CIMAP1B: variants seen among roughly 807,000 people sequenced by gnomAD.
CIMAP1B encodes the protein orf2 5' to PD-ECGF/TP.
At chr22:50,531,777 G>C in the CIMAP1B span, 2 of 1,359,630 alleles carry the variant, frequency 1.5e-6, no homozygotes, top group Non-Finnish European at 1.9e-6. Context: ...GCGTAGCCTG[G>C]GAGCATCCGA....
At chr22:50,530,721 GT>G in the CIMAP1B span, 2 of 1,612,038 alleles carry the variant, frequency 1.2e-6, no homozygotes, top group Non-Finnish European at 1.7e-6. Context: ...CCTGATCCAC[GT>G]TGTAGGCCGC....
the CIMAP1B span, chr22:50,530,833 T>C: frequency 1.2e-6 from 2 of 1,604,354 alleles, no homozygotes; most frequent in Non-Finnish European, 1.7e-6. Flanking sequence ...CACGACCTGA[T>C]AGGCGCAGGG....
the CIMAP1B span, chr22:50,530,981 A>G: frequency 6.2e-7 from 1 of 1,611,384 alleles, no homozygotes; most frequent in Non-Finnish European, 8.5e-7. Context: ...CTGCGGCCGT[A>G]GATGGAGCAA....
the CIMAP1B span, chr22:50,531,170 G>A: frequency 6.2e-7 from 1 of 1,600,038 alleles, no homozygotes; most frequent in Non-Finnish European, 8.6e-7. Flanking sequence ...ACAGTTCTGG[G>A]ATGGGCCGTT....
chr22:50,531,438 C>T, the CIMAP1B span: 34 of 1,075,980 alleles, frequency 3.2e-5, no homozygotes, highest in Admixed American at 5.8e-5. Flanking sequence ...ATTTGAGATC[C>T]GGATATGGGG....
chr22:50,531,760 A>C, the CIMAP1B span: 2 of 1,372,466 alleles, frequency 1.5e-6, no homozygotes, highest in South Asian at 1.8e-5. Context: ...GCGACGGGTC[A>C]TGCAGGGCGT....
At chr22:50,532,158 G>C in the CIMAP1B span, 1 of 1,307,078 alleles carries the variant, frequency 7.7e-7, no homozygotes, top group Non-Finnish European at 9.8e-7. Context: ...GCAAATTCTT[G>C]GGGAGCGCAC....
the CIMAP1B span, chr22:50,531,772 G>T: frequency 2.2e-6 from 3 of 1,361,250 alleles, no homozygotes; most frequent in South Asian, 1.9e-5. Flanking sequence ...GCAGGGCGTA[G>T]CCTGGGAGCA....
At chr22:50,532,160 G>C in the CIMAP1B span, 4 of 1,305,810 alleles carry the variant, frequency 3.1e-6, no homozygotes, top group Non-Finnish European at 3.9e-6. Flanking sequence ...AAATTCTTGG[G>C]GAGCGCACTT....
At chr22:50,531,925 C>A in the CIMAP1B span, 296 of 1,314,468 alleles carry the variant, frequency 2.3e-4, 3 homozygotes, top group East Asian at 6.8e-3. Context: ...TTCCCTCCCC[C>A]AGGCGCCGTC....
chr22:50,530,572 G>C, the CIMAP1B span: 6 of 1,581,310 alleles, frequency 3.8e-6, no homozygotes, highest in Admixed American at 3.7e-5. Context: ...TGCGGGCCCG[G>C]AGACACCGCT....
At chr22:50,531,244 C>T in the CIMAP1B span, 502 of 1,612,002 alleles carry the variant, frequency 3.1e-4, no homozygotes, top group Middle Eastern at 3.6e-3. Flanking sequence ...AATGGTGTGC[C>T]GAGGCGCACT....
the CIMAP1B span, chr22:50,531,248 G>A: frequency 6.2e-7 from 1 of 1,612,028 alleles, no homozygotes; most frequent in South Asian, 1.1e-5. Context: ...GTGTGCCGAG[G>A]CGCACTGGGG....
the CIMAP1B span, chr22:50,531,573 G>T: frequency 2.1e-6 from 3 of 1,418,756 alleles, no homozygotes; most frequent in South Asian, 1.6e-5. Flanking sequence ...TCCTGACCAG[G>T]TCCCGGAGTG....
chr22:50,532,198 C>T, the CIMAP1B span: 25 of 1,245,266 alleles, frequency 2.0e-5, no homozygotes, highest in East Asian at 3.2e-5. Context: ...CAGCGCGGGG[C>T]GGGGCGGGGC....
the CIMAP1B span, chr22:50,530,522 G>A: frequency 1.9e-5 from 31 of 1,601,320 alleles, no homozygotes; most frequent in South Asian, 1.8e-4. Context: ...GGTAGTCCGA[G>A]TGCCGGATCC....
At chr22:50,531,230 G>A in the CIMAP1B span, 1 of 1,612,852 alleles carries the variant, frequency 6.2e-7, no homozygotes, top group Non-Finnish European at 8.5e-7. Flanking sequence ...CAGTTTCGGG[G>A]AGCAATGGTG....
chr22:50,532,450 G>C, the CIMAP1B span: 1 of 195,014 alleles, frequency 5.1e-6, no homozygotes, highest in South Asian at 1.7e-4. Context: ...CCTGCGTGGG[G>C]GACCCGGTGC....
At chr22:50,530,579 C>T in the CIMAP1B span, 1,539 of 1,572,694 alleles carry the variant, frequency 9.8e-4, 1 homozygote, top group Non-Finnish European at 1.3e-3. Context: ...CCGGAGACAC[C>T]GCTGACCTCG....
Sources: allele counts gnomAD v4.1 joint callset, GRCh38; gene constraint gnomAD v4.1.1; transcripts MANE v1.5; gene names NCBI Gene and HGNC (gene_info 2026-07-23, HGNC 2026-07-21).